Variants in COLEC10 observed in about 807,000 individuals in gnomAD.
COLEC10 encodes the protein collectin subfamily member 10, also known as collectin-10.
In COLEC10, 22 loss-of-function variants were observed where a neutral mutation model predicts 28.4. The ratio of observed to expected loss-of-function variants is 0.78; its 90% CI spans 0.55 to 1.11. The LOEUF is 1.11. COLEC10 is among the 50% of genes least tolerant of loss of function. COLEC10 has a pLI of 0.00. For missense variants in COLEC10, 361 were observed against 344.1 expected (o/e 1.05, Z -0.39); for synonymous variants, 125 against 116.1 (o/e 1.08, Z -0.49).
the COLEC10 span, among the ~76,000 whole-genome samples, chr8:118,977,928 A>G: frequency 6.6e-6 from 1 of 152,022 alleles, no homozygotes; most frequent in African/African-American, 2.4e-5. Context: ...TGTAAATGGA[A>G]TGCTGCCCTC....
chr8:119,057,635 T>G (rs1189417463), intron 2 of COLEC10, among the ~76,000 whole-genome samples: 1 of 152,114 alleles, frequency 6.6e-6, no homozygotes, highest in Non-Finnish European at 1.5e-5. Flanking sequence ...AATTCCCTGT[T>G]TTATCACAAT....
intron 3 of COLEC10, among the ~76,000 whole-genome samples, chr8:119,092,274 G>C (rs1189467873): frequency 6.6e-6 from 1 of 151,912 alleles, no homozygotes; most frequent in East Asian, 1.9e-4. Context: ...GTTTCTCTGT[G>C]CTAGCCAAGA....
chr8:119,014,198 T>A (rs1035612904), intron 2 of COLEC10, among the ~76,000 whole-genome samples: 1 of 150,850 alleles, frequency 6.6e-6, no homozygotes, highest in Non-Finnish European at 1.5e-5. Flanking sequence ...GTTTCTGACC[T>A]ACTTCATTTA....
At position 119,045,298 on chromosome 8, in the gene COLEC10, T is replaced by C. The variant is rs370464122; in HGVS notation, n.235+35745T>C. Among the ~76,000 whole-genome samples the C allele has an allele frequency of 2.0e-5, 3 of 152,234 alleles. No homozygotes were observed. In the East Asian group the frequency reaches 5.8e-4, roughly 29 times the overall value. On this transcript the variant is annotated intron_variant and non_coding_transcript_variant, in intron 2 of 6. Transcript: ENST00000521788. ...CTTATATGTCTCATGTTCTATTTTA[T>C]CAGTTCAGTGGCAAACCAAGACTCT...
At chr8:118,958,519 C>T in the COLEC10 span, among the ~76,000 whole-genome samples, 2 of 152,160 alleles carry the variant, frequency 1.3e-5, no homozygotes, top group African/African-American at 4.8e-5. Flanking sequence ...AGGAATGCCT[C>T]CTCGGCAAGA....
At chr8:119,077,936 G>T (rs535161169) in intron 1 of COLEC10, among the ~76,000 whole-genome samples, 1 of 152,274 alleles carries the variant, frequency 6.6e-6, no homozygotes, top group African/African-American at 2.4e-5. Flanking sequence ...AAAAAGTTTG[G>T]TGCCACCATC....
In COLEC10 at chr8:119,022,854, A is replaced by C. The variant is rs564578884; in HGVS notation, n.235+13301A>C. Among the ~76,000 whole-genome samples, 220 of 152,238 alleles carry C rather than the reference A, an allele frequency of 1.4e-3. 1 individual carries two copies. The highest frequency in any genetic ancestry group is 2.4e-3 in the Non-Finnish European group (165 of 68,002). ...ACTGAAAGTAAATGCCAAGATCTTG[A>C]AAATCTGCCCAAGGCCCTCCATACC... On this transcript the variant is annotated intron_variant and non_coding_transcript_variant, in intron 2 of 6. Transcript: ENST00000521788.
intron 1 of COLEC10, among the ~76,000 whole-genome samples, chr8:118,998,146 G>T (rs978386821): frequency 7.4e-6 from 1 of 135,452 alleles, no homozygotes; most frequent in Non-Finnish European, 1.5e-5. Flanking sequence ...AACTCGCAAG[G>T]TTGACTTAAA....
In COLEC10 at chr8:119,106,446, G is replaced by A. The variant is rs1281031289; in HGVS notation, c.*255G>A. 1.3e-5 allele frequency: 5 copies of A among 373,836 alleles called. No individual in the cohort carries two copies. Among genetic ancestry groups the A allele is most frequent in the African/African-American group, 6.0e-5 (3 of 49,796 alleles). 23.2% of individuals were successfully genotyped at this position (373,836 alleles called of 1,614,324 possible). A position where few individuals can be genotyped will look rare whatever the true frequency, so the allele number is the denominator to read the frequency against. On this transcript the variant is annotated 3_prime_UTR_variant, in exon 6 of 6. Transcript: ENST00000332843. ...AGAATTTTAATTACTAATTGTGCACGAGATAGTTGGTTGTCTATATGTCAA... is the reference window on the plus strand; with the variant it reads ...AGAATTTTAATTACTAATTGTGCACAAGATAGTTGGTTGTCTATATGTCAA...
intron 2 of COLEC10, among the ~76,000 whole-genome samples, chr8:119,049,401 C>CTATTT (rs1814636664): frequency 1.0e-4 from 6 of 60,074 alleles, no homozygotes; most frequent in Admixed American, 4.8e-4. Context: ...ATTTTCTTTT[C>CTATTT]TTTTTTTTTT....
the COLEC10 span, among the ~76,000 whole-genome samples, chr8:118,987,243 G>A: frequency 1.9e-4 from 29 of 152,254 alleles, no homozygotes; most frequent in African/African-American, 6.7e-4. Context: ...GGAGAGAAAA[G>A]CAGACAACTT....
intron 2 of COLEC10, among the ~76,000 whole-genome samples, chr8:119,046,966 T>C (rs1036754752): frequency 6.6e-6 from 1 of 152,168 alleles, no homozygotes; most frequent in Non-Finnish European, 1.5e-5. Context: ...TAATGTGAAG[T>C]AACCAGCATG....
chr8:119,056,794 C>T (rs1463393559), intron 2 of COLEC10, among the ~76,000 whole-genome samples: 1 of 152,042 alleles, frequency 6.6e-6, no homozygotes, highest in East Asian at 1.9e-4. Context: ...TCACGGGCCA[C>T]GATTGCCCTT....
intron 3 of COLEC10, among the ~76,000 whole-genome samples, chr8:119,094,777 C>CA (rs895814577): frequency 2.6e-5 from 4 of 152,200 alleles, no homozygotes; most frequent in African/African-American, 9.6e-5. Context: ...CTCCAGAAAA[C>CA]ACTTAATTAA....
intron 2 of COLEC10, among the ~76,000 whole-genome samples, chr8:119,014,721 C>T (rs942318297): frequency 6.6e-6 from 1 of 150,880 alleles, no homozygotes; most frequent in South Asian, 2.1e-4. Context: ...AGTTGTCTCA[C>T]AATTCTTGTA....
At chr8:119,037,803 G>A (rs1484121068) in intron 2 of COLEC10, among the ~76,000 whole-genome samples, 1 of 152,056 alleles carries the variant, frequency 6.6e-6, no homozygotes, top group Non-Finnish European at 1.5e-5. Context: ...GTAAATCTAG[G>A]CTATTATTCA....
At chr8:118,983,074 G>A in the COLEC10 span, among the ~76,000 whole-genome samples, 4 of 152,180 alleles carry the variant, frequency 2.6e-5, no homozygotes, top group Non-Finnish European at 5.9e-5. Flanking sequence ...GTTCTACAAT[G>A]GATGTCCTAC....
At position 119,105,899 on chromosome 8, in the gene COLEC10, G is replaced by A. The variant is rs1815929765; in HGVS notation, c.542G>A (p.Gly181Glu). Residue 181 changes from glycine (G) to glutamate (E), a missense_variant, in exon 6 of 6, where the codon GGA becomes GAA. Around this residue, in one of 3 missense-constraint regions of COLEC10, gnomAD observed 335 missense variants for 308.5 expected, o/e 1.09. Coordinates refer to ENST00000332843, the MANE Select transcript of COLEC10 (RefSeq NM_006438.5). ...ESLTHCRIRG[G>E]MLAMPKDEAA... ...CTAACCCACTGCAGGATTCGGGGTGGAATGCTAGCCATGCCCAAGGATGAA... is the reference window on the plus strand; with the variant it reads ...CTAACCCACTGCAGGATTCGGGGTGAAATGCTAGCCATGCCCAAGGATGAA... The A allele has an allele frequency of 1.2e-6, 2 of 1,613,730 alleles. No individual in the cohort carries two copies. Among genetic ancestry groups the A allele is most frequent in the Non-Finnish European group, 8.5e-7 (1 of 1,179,896 alleles).
chr8:119,061,059 TATA>T (rs1197989298), intron 2 of COLEC10, among the ~76,000 whole-genome samples: 1 of 152,040 alleles, frequency 6.6e-6, no homozygotes, highest in Non-Finnish European at 1.5e-5. Flanking sequence ...AAGACTGAGA[TATA>T]ATAGGTGCTC....
Sources: allele counts gnomAD v4.1 joint callset (sites outside exome capture counted in the v4.1 genomes callset), GRCh38; gene constraint gnomAD v4.1.1; regional missense constraint gnomAD v4.1.1; transcripts MANE v1.5; gene names NCBI Gene and HGNC (gene_info 2026-07-23, HGNC 2026-07-21).